The following RORA variants were observed in gnomAD, a reference collection of about 807,000 sequenced individuals.
RORA encodes the protein RAR related orphan receptor A, also known as nuclear receptor ROR-alpha.
A neutral mutation model predicts 69.5 loss-of-function variants in RORA; 7 were observed. The ratio of observed to expected loss-of-function variants is 0.10; its 90% CI spans 0.06 to 0.19. The LOEUF is 0.19. Ranked by LOEUF, RORA falls within the 10% of genes least tolerant of loss-of-function variation. The pLI is 1.00. For missense variants in RORA, 457 were observed against 663.0 expected, an observed-to-expected ratio of 0.69 and a Z score of 3.41; for synonymous variants, 261 against 240.8, an observed-to-expected ratio of 1.08 and a Z score of -0.78.
chr15:61,170,445 G>T (rs563446031), intron 1 of RORA, among the ~76,000 whole-genome samples: 3 of 151,932 alleles, frequency 2.0e-5, no homozygotes, highest in African/African-American at 7.3e-5. Flanking sequence ...TCTCCTGCCC[G>T]CCTCTTATAA....
intron 1 of RORA, among the ~76,000 whole-genome samples, chr15:60,814,443 C>T (rs930319636): frequency 6.6e-6 from 1 of 152,146 alleles, no homozygotes; most frequent in Non-Finnish European, 1.5e-5. Context: ...TCTACTGTAT[C>T]TCCAGTGTCT....
intron 1 of RORA, among the ~76,000 whole-genome samples, chr15:60,723,280 G>A (rs528408417): frequency 1.7e-4 from 26 of 152,066 alleles, no homozygotes; most frequent in Non-Finnish European, 2.6e-4. Flanking sequence ...GTTTCGATGC[G>A]CATATAGGTT....
At chr15:61,069,857 A>G (rs1812107910) in intron 1 of RORA, among the ~76,000 whole-genome samples, 2 of 152,240 alleles carry the variant, frequency 1.3e-5, no homozygotes, top group Admixed American at 6.5e-5. Context: ...CTGTTTGAGC[A>G]CAACTGGCTA....
chr15:61,142,357 A>T (rs1016630203), intron 1 of RORA, among the ~76,000 whole-genome samples: 2 of 152,192 alleles, frequency 1.3e-5, no homozygotes, highest in East Asian at 1.9e-4. Flanking sequence ...TCCAATCTTG[A>T]CAATTATTAA....
At position 61,226,568 on chromosome 15, in the gene RORA, C is replaced by A. The variant is rs140256484; in HGVS notation, c.166+2485G>T. Among the ~76,000 whole-genome samples, 4 of 152,288 alleles carry A rather than the reference C, an allele frequency of 2.6e-5. 1 individual carries two copies. The East Asian group carries it at 7.7e-4, about 29-fold the overall frequency. ...CCCATTTTCAAATCACTCTCAACTA[C>A]CAGGCATACTTACACATTCTCTCTT... is the stretch of plus-strand genomic sequence containing the variant. On this transcript the variant is annotated intron_variant, in intron 1 of 10. Coordinates refer to ENST00000335670, the MANE Select transcript of RORA (RefSeq NM_134261.3). This position sits in a 1 kb window ranked among gnomAD's most constrained non-coding sequence, Gnocchi z 4.2.
intron 1 of RORA, among the ~76,000 whole-genome samples, chr15:60,893,184 C>T (rs1166233225): frequency 2.6e-5 from 4 of 152,214 alleles, no homozygotes; most frequent in Non-Finnish European, 5.9e-5. Flanking sequence ...TAACCAAAGA[C>T]GTGAGAATTC....
At chr15:60,692,656 A>G (rs2070844681) in intron 1 of RORA, among the ~76,000 whole-genome samples, 3 of 152,232 alleles carry the variant, frequency 2.0e-5, no homozygotes, top group Admixed American at 2.0e-4. Flanking sequence ...AAATGTTGGT[A>G]AGGCTGAATC....
At chr15:60,874,414 T>C (rs1171701059) in intron 1 of RORA, among the ~76,000 whole-genome samples, 5 of 151,942 alleles carry the variant, frequency 3.3e-5, no homozygotes, top group African/African-American at 1.2e-4. Context: ...AGCTTAGGGG[T>C]CAGTAAACTT....
intron 2 of RORA, among the ~76,000 whole-genome samples, chr15:60,541,945 T>C (rs1197141761): frequency 6.6e-6 from 1 of 152,218 alleles, no homozygotes; most frequent in Non-Finnish European, 1.5e-5. Flanking sequence ...GTGCTTCTTT[T>C]GCCTACAGAG....
chr15:60,778,211 T>A (rs9783705), intron 1 of RORA, among the ~76,000 whole-genome samples: 88,696 of 151,900 alleles, frequency 0.58, 26,313 homozygotes, highest in East Asian at 0.75. Context: ...ACAGCTGGGC[T>A]CAGGTTTTTG....
chr15:61,150,762 A>G (rs986049207), intron 1 of RORA, among the ~76,000 whole-genome samples: 1 of 152,188 alleles, frequency 6.6e-6, no homozygotes, highest in African/African-American at 2.4e-5. Flanking sequence ...TGACCAGGGG[A>G]AACTATACTT....
intron 1 of RORA, among the ~76,000 whole-genome samples, chr15:60,871,587 T>C (rs2073556666): frequency 6.6e-6 from 1 of 152,226 alleles, no homozygotes; most frequent in Non-Finnish European, 1.5e-5. Flanking sequence ...GGAGGGTTGA[T>C]GAGGGAAATA....
At chr15:60,579,676 A>C (rs2068135014) in intron 2 of RORA, among the ~76,000 whole-genome samples, 1 of 152,162 alleles carries the variant, frequency 6.6e-6, no homozygotes, top group Non-Finnish European at 1.5e-5. Context: ...ACTCTTTCCC[A>C]AACCTTTCAC....
chr15:60,574,898 A>C (rs2067982231), intron 2 of RORA, among the ~76,000 whole-genome samples: 1 of 152,094 alleles, frequency 6.6e-6, no homozygotes, highest in Non-Finnish European at 1.5e-5. Context: ...ACTTTCTGAG[A>C]GTCTTTCTTA....
chr15:60,511,749 G>T lies in RORA; in HGVS notation c.425-128C>A. 2.0e-6 allele frequency: 2 copies of T among 999,622 alleles called. No individual in the cohort carries two copies. The highest frequency in any genetic ancestry group is 2.9e-6 in the Non-Finnish European group (2 of 698,040). 61.9% of individuals were successfully genotyped at this position (999,622 alleles called of 1,614,324 possible). A position where few individuals can be genotyped will look rare whatever the true frequency, so the allele number is the denominator to read the frequency against. ...CCAAAACTGCATGACCACAAAATAA[G>T]GACATATTCAGAGGTGAAAACAGTT... is the stretch of plus-strand genomic sequence containing the variant. On this transcript the variant is annotated intron_variant, in intron 4 of 10. Transcript: ENST00000335670. The surrounding 1 kb of genome is among the most constrained non-coding windows in gnomAD (Gnocchi z 6.4).
intron 2 of RORA, among the ~76,000 whole-genome samples, chr15:60,644,048 A>G (rs1313207961): frequency 2.0e-5 from 3 of 152,190 alleles, no homozygotes; most frequent in Non-Finnish European, 4.4e-5. Context: ...CTGGGATTAA[A>G]AAAAAAAGAT....
chr15:60,769,654 C>T (rs773031368), intron 1 of RORA, among the ~76,000 whole-genome samples: 3 of 152,180 alleles, frequency 2.0e-5, no homozygotes, highest in Admixed American at 2.0e-4. Flanking sequence ...TCTCATGCCA[C>T]GAGTGTGCCT....
Position 60,583,135 on chromosome 15 carries a change from G to C in RORA, c.197-51284C>G, listed in dbSNP as rs150586635. The stretch of plus-strand genomic sequence containing the variant: ...AGGGGGCTGGTGTCGCAGTGTGGAA[G>C]CAGGCAGGTAGTCCTTCTCCACACC... On this transcript the variant is annotated intron_variant, in intron 2 of 10. Transcript: ENST00000335670. Among the ~76,000 whole-genome samples, 34 of 152,304 alleles carry C rather than the reference G, an allele frequency of 2.2e-4. No individual in the cohort carries two copies. In the East Asian group the frequency reaches 6.6e-3, roughly 29 times the overall value.
In RORA at chr15:60,575,216, T is replaced by C. The variant is rs556347943; in HGVS notation, c.197-43365A>G. Among the ~76,000 whole-genome samples, 7 of 152,322 alleles carry C rather than the reference T, an allele frequency of 4.6e-5. No homozygotes were observed. In the South Asian group the frequency reaches 1.5e-3, roughly 32 times the overall value. ...GTCTTAGAAGACCTTCCTATTCCTA[T>C]AGCAACGTCACCACATCGTCTGATT... On this transcript the variant is annotated intron_variant, in intron 2 of 10. Transcript: ENST00000335670.
Sources: gnomAD v4.1 joint callset for allele counts (sites outside exome capture counted in the v4.1 genomes callset) on GRCh38, gnomAD v4.1.1 for gene constraint, Gnocchi (gnomAD v3.1) non-coding constraint, MANE v1.5 for transcripts, NCBI Gene and HGNC (gene_info 2026-07-23, HGNC 2026-07-21) for gene names.